The following SNX31 variants were observed in gnomAD, a reference collection of about 807,000 sequenced individuals.
SNX31 encodes sorting nexin 31, also known as sorting nexin-31.
SNX31 carries 58 observed loss-of-function variants against 65.4 expected under a neutral mutation model. That is an observed-to-expected ratio of 0.89 (90% CI 0.72 to 1.10). SNX31 has a LOEUF of 1.10. SNX31 is among the 50% of genes least tolerant of loss of function. SNX31 has a pLI of 0.00. For synonymous variants in SNX31, 181 were observed against 190.1 expected (o/e 0.95, Z 0.39); for missense variants, 523 against 529.7 (o/e 0.99, Z 0.12).
At chr8:100,639,599 T>C (rs1819014358) in intron 2 of SNX31, among the ~76,000 whole-genome samples, 1 of 43,152 alleles carries the variant, frequency 2.3e-5, no homozygotes, top group Non-Finnish European at 4.3e-5. Flanking sequence ...AATATATTAG[T>C]ATGACCACAT....
chr8:100,606,040 A>AT (rs374056086), intron 8 of SNX31, among the ~76,000 whole-genome samples: 2,291 of 146,828 alleles, frequency 0.016, 25 homozygotes, highest in African/African-American at 0.025. Flanking sequence ...ACTGAACATG[A>AT]TTTTTTTTTT....
rs557518892 is a variant in SNX31, at chr8:100,657,539, A to T, written c.-58+5603T>A. 3.3e-3 allele frequency among the ~76,000 whole-genome samples: 506 copies of T among 152,088 alleles called. 1 individual carries two copies. The highest frequency in any genetic ancestry group is 9.4e-3 in the African/African-American group (390 of 41,510). On this transcript the variant is annotated intron_variant, in intron 1 of 5. Coordinates refer to the SNX31 transcript ENST00000520352. ...GGCTGCCTCTGGGTTTGGGTGGAACAGGCTTGCTGGCCAAGGAGACCTCAT... is the reference window on the plus strand; with the variant it reads ...GGCTGCCTCTGGGTTTGGGTGGAACTGGCTTGCTGGCCAAGGAGACCTCAT...
chr8:100,612,850 C>T lies in SNX31; in HGVS notation c.523+145G>A, dbSNP rs1816835270. The T allele has an allele frequency of 2.8e-6, 2 of 722,172 alleles. No individual in the cohort carries two copies. Among genetic ancestry groups the T allele is most frequent in the Admixed American group, 2.3e-5 (1 of 43,804 alleles). The allele number at this position is 722,172 out of a possible 1,614,324, so 44.7% of individuals were successfully genotyped here. ...TAACAAGGACGCAACCTCCTATTCC[C>T]TAAACCCTTAACCCAGTGACTGAGA... On this transcript the variant is annotated intron_variant, in intron 6 of 13. Transcript: ENST00000311812. The surrounding 1 kb of genome is among the most constrained non-coding windows in gnomAD (Gnocchi z 4.3).
intron 10 of SNX31, among the ~76,000 whole-genome samples, chr8:100,590,245 A>G (rs749125225): frequency 6.6e-6 from 1 of 152,208 alleles, no homozygotes; most frequent in Non-Finnish European, 1.5e-5. Flanking sequence ...AAGAAAAAAG[A>G]TATTTTTCCC....
chr8:100,619,446 C>T (rs892520766), intron 4 of SNX31, among the ~76,000 whole-genome samples: 12 of 152,146 alleles, frequency 7.9e-5, no homozygotes, highest in African/African-American at 2.9e-4. Flanking sequence ...AGGATGTGTG[C>T]TAGAAGCAGG....
chr8:100,663,246 C>T (rs565525076), exon 1 of SNX31: 39 of 152,134 alleles, frequency 2.6e-4, no homozygotes, highest in Non-Finnish European at 4.4e-5. Flanking sequence ...GATACCCCCC[C>T]CAATCCAAAA....
chr8:100,614,996 A>T lies in SNX31; in HGVS notation c.433-1911T>A, dbSNP rs974479697. 2.6e-5 allele frequency among the ~76,000 whole-genome samples: 4 copies of T among 152,220 alleles called. No homozygotes were observed. Among genetic ancestry groups the T allele is most frequent in the Non-Finnish European group, 5.9e-5 (4 of 68,046 alleles). ...TGTGCTGGAGAAGATGCAGAAGGCG[A>T]TTTTTAATTATAAAACTTAAATTAT... On this transcript the variant is annotated intron_variant, in intron 5 of 13. Transcript: ENST00000311812. The surrounding 1 kb of genome is among the most constrained non-coding windows in gnomAD (Gnocchi z 5.1).
chr8:100,659,353 C>CAAAAA (rs148671568), intron 1 of SNX31, among the ~76,000 whole-genome samples: 46 of 71,238 alleles, frequency 6.5e-4, no homozygotes, highest in South Asian at 1.3e-3. Context: ...AACTCCATCA[C>CAAAAA]AAAAAAAAAA....
intron 12 of SNX31, among the ~76,000 whole-genome samples, chr8:100,582,969 G>A (rs1586847180): frequency 6.7e-6 from 1 of 149,964 alleles, no homozygotes; most frequent in East Asian, 2.0e-4. Flanking sequence ...GCGACAGAGT[G>A]AGACTCCATC....
chr8:100,574,144 C>T (rs1812840314), intron 13 of SNX31, among the ~76,000 whole-genome samples, 184 bp from the exon 14 acceptor site: 1 of 152,178 alleles, frequency 6.6e-6, no homozygotes, highest in Admixed American at 6.5e-5. Flanking sequence ...TGTAAATACA[C>T]TCGTTAGGAC....
intron 8 of SNX31, among the ~76,000 whole-genome samples, chr8:100,603,883 A>G (rs932031970): frequency 2.0e-5 from 3 of 152,060 alleles, no homozygotes; most frequent in Non-Finnish European, 4.4e-5. Context: ...GACTACAGGC[A>G]TGTGCCACCA....
intron 4 of SNX31, among the ~76,000 whole-genome samples, chr8:100,624,894 T>C (rs979090649): frequency 2.6e-5 from 4 of 152,120 alleles, no homozygotes; most frequent in African/African-American, 9.7e-5. Context: ...CTCAAAGCTC[T>C]GGGCTCAAGC....
intron 1 of SNX31, among the ~76,000 whole-genome samples, chr8:100,662,645 C>T (rs1240084672): frequency 4.6e-5 from 7 of 152,270 alleles, no homozygotes; most frequent in African/African-American, 1.2e-4. Context: ...TGCAGTGAGC[C>T]AAGATCGCGC....
At chr8:100,636,134 G>A (rs940220667) in intron 2 of SNX31, 123 bp from the exon 3 acceptor site, 129 of 634,772 alleles carry the variant, frequency 2.0e-4, no homozygotes, top group Non-Finnish European at 1.4e-4. Flanking sequence ...AGCTTTCCTG[G>A]TAGCCCAAAG....
chr8:100,589,554 C>T (rs763405388), intron 10 of SNX31, among the ~76,000 whole-genome samples: 34 of 152,078 alleles, frequency 2.2e-4, no homozygotes, highest in Non-Finnish European at 4.6e-4. Context: ...TAGAAACTAC[C>T]CAAGTTTGTC....
At chr8:100,577,164 G>A (rs1219348442) in intron 12 of SNX31, 89 bp from the exon 13 acceptor site, 3 of 1,151,154 alleles carry the variant, frequency 2.6e-6, no homozygotes, top group Admixed American at 2.0e-5. Flanking sequence ...TCCCTTCCAC[G>A]ATAATCCTCT....
At chr8:100,577,129 A>G in intron 12 of SNX31, 54 bp from the exon 13 acceptor site, 1 of 1,464,956 alleles carries the variant, frequency 6.8e-7, no homozygotes, top group South Asian at 1.2e-5. Context: ...CAAGCACACA[A>G]ACAATCTATT....
intron 3 of SNX31, 54 bp downstream of exon 3, chr8:100,635,843 A>G: frequency 8.0e-7 from 1 of 1,242,904 alleles, no homozygotes; most frequent in South Asian, 1.2e-5. Flanking sequence ...ATTTTGTGGC[A>G]TATAGCTTAC....
chr8:100,630,192 A>T lies in SNX31; in HGVS notation c.321+135T>A. ...AGGAACCATCCCCCAATTGACTTGA[A>T]ATGAATATATTTTGTCCAAGTCCAG... On this transcript the variant is annotated intron_variant, in intron 4 of 13. Coordinates refer to ENST00000311812, the MANE Select transcript of SNX31 (RefSeq NM_152628.4). This position sits in a 1 kb window ranked among gnomAD's most constrained non-coding sequence, Gnocchi z 5.3. The T allele has an allele frequency of 1.4e-6, 1 of 712,870 alleles. No individual in the cohort carries two copies. Among genetic ancestry groups the T allele is most frequent in the Non-Finnish European group, 2.3e-6 (1 of 437,540 alleles). 44.2% of individuals were successfully genotyped at this position (712,870 alleles called of 1,614,324 possible). A position where few individuals can be genotyped will look rare whatever the true frequency, so the allele number is the denominator to read the frequency against.
Sources: gnomAD v4.1 joint callset for allele counts (sites outside exome capture counted in the v4.1 genomes callset) on GRCh38, gnomAD v4.1.1 for gene constraint, Gnocchi (gnomAD v3.1) non-coding constraint, MANE v1.5 for transcripts, NCBI Gene and HGNC (gene_info 2026-07-23, HGNC 2026-07-21) for gene names.